NRG1: variants seen among roughly 807,000 people sequenced by gnomAD.
The protein encoded by NRG1 is neuregulin 1, also known as pro-neuregulin-1, membrane-bound isoform.
A neutral mutation model predicts 63.8 loss-of-function variants in NRG1; 18 were observed. That is an observed-to-expected ratio of 0.28 (90% CI 0.19 to 0.42). The LOEUF is 0.42. Among genes scored for constraint, NRG1 ranks in the 10% least tolerant of loss-of-function variants. The pLI, the probability that NRG1 is intolerant of heterozygous loss-of-function variation, is 1.00. For synonymous variants in NRG1, 302 were observed against 301.3 expected, an observed-to-expected ratio of 1.00 and a Z score of -0.02; for missense variants, 762 against 814.7, an observed-to-expected ratio of 0.94 and a Z score of 0.79.
chr8:32,578,375 C>G (rs868662099), intron 1 of NRG1, among the ~76,000 whole-genome samples: 4 of 152,224 alleles, frequency 2.6e-5, no homozygotes, highest in Admixed American at 6.5e-5. Context: ...TTTATTGCTT[C>G]AAATTGTTCA....
chr8:31,689,743 A>G (rs563279269), intron 1 of NRG1, among the ~76,000 whole-genome samples: 18 of 152,348 alleles, frequency 1.2e-4, no homozygotes, highest in Admixed American at 6.5e-4. Context: ...CATTTGGGAT[A>G]TATAAATTGA....
At chr8:32,209,573 T>C (rs574720233) in intron 1 of NRG1, among the ~76,000 whole-genome samples, 3 of 152,198 alleles carry the variant, frequency 2.0e-5, no homozygotes, top group Non-Finnish European at 2.9e-5. Context: ...GAAGAGGGTT[T>C]CGCCAAAAGA....
At chr8:32,436,721 T>C (rs1040481534) in intron 1 of NRG1, among the ~76,000 whole-genome samples, 4 of 152,172 alleles carry the variant, frequency 2.6e-5, no homozygotes, top group Admixed American at 1.3e-4. Flanking sequence ...TGAATGAACA[T>C]AGAACATTAT....
At chr8:31,898,432 C>T (rs747627459) in intron 1 of NRG1, among the ~76,000 whole-genome samples, 4 of 152,174 alleles carry the variant, frequency 2.6e-5, no homozygotes, top group South Asian at 2.1e-4. Context: ...AACTGAGGCT[C>T]AAAAAGACTA....
At chr8:32,162,165 A>G (rs1838902469) in intron 1 of NRG1, among the ~76,000 whole-genome samples, 1 of 152,188 alleles carries the variant, frequency 6.6e-6, no homozygotes, top group Non-Finnish European at 1.5e-5. Context: ...TAATTGAGCT[A>G]TTCATGGCAA....
rs371776866 is a variant in NRG1 at position 31,951,378 on chromosome 8, A to G, written c.37+311947A>G. 5.9e-5 allele frequency among the ~76,000 whole-genome samples: 9 copies of G among 152,320 alleles called. 1 individual carries two copies. In the South Asian group the frequency reaches 8.3e-4, roughly 14 times the overall value. On this transcript the variant is annotated intron_variant, in intron 1 of 10. Transcript: ENST00000519301. The stretch of plus-strand genomic sequence containing the variant: ...ACAAATGGAGGCAGAGCCCTGCTCC[A>G]GCCCCGTGAGTTGGAACAACCTACA...
At chr8:31,895,497 G>A (rs1012713375) in intron 1 of NRG1, among the ~76,000 whole-genome samples, 2 of 152,222 alleles carry the variant, frequency 1.3e-5, no homozygotes, top group Admixed American at 6.5e-5. Context: ...TCTAATCCTG[G>A]AGTCTGAGTG....
chr8:31,952,811 C>A (rs371082432), intron 1 of NRG1, among the ~76,000 whole-genome samples: 1 of 152,250 alleles, frequency 6.6e-6, no homozygotes, highest in African/African-American at 2.4e-5. Context: ...GGACTTACAG[C>A]TCAGTAACGA....
downstream of NRG1, among the ~76,000 whole-genome samples, chr8:32,772,036 A>AAATGT (rs1564160296): frequency 3.7e-3 from 51 of 13,924 alleles, 1 homozygote; most frequent in Non-Finnish European, 8.9e-3. Flanking sequence ...AAAAAAAAAA[A>AAATGT]ATATGTATAT....
At chr8:32,118,252 G>A (rs1357644529) in intron 1 of NRG1, among the ~76,000 whole-genome samples, 3 of 152,022 alleles carry the variant, frequency 2.0e-5, no homozygotes, top group African/African-American at 7.2e-5. Context: ...GCCCTCCCTG[G>A]GGTGGGTAGG....
chr8:31,910,094 T>A (rs1277468570), intron 1 of NRG1, among the ~76,000 whole-genome samples: 2 of 152,212 alleles, frequency 1.3e-5, no homozygotes, highest in African/African-American at 4.8e-5. Flanking sequence ...CGCTGACTTA[T>A]TTCCATAGGG....
intron 1 of NRG1, among the ~76,000 whole-genome samples, chr8:32,395,887 A>C (rs1399543528): frequency 6.6e-6 from 1 of 152,068 alleles, no homozygotes. Context: ...TCTATGATCC[A>C]TTTTACATTA....
At chr8:32,503,012 G>A (rs1828047632) in intron 1 of NRG1, among the ~76,000 whole-genome samples, 3 of 152,180 alleles carry the variant, frequency 2.0e-5, no homozygotes, top group Admixed American at 2.0e-4. Context: ...GTAGCCGGGC[G>A]CAGTGGCTCA....
intron 1 of NRG1, among the ~76,000 whole-genome samples, chr8:32,027,863 C>A (rs548428140): frequency 6.6e-6 from 1 of 152,240 alleles, no homozygotes; most frequent in East Asian, 1.9e-4. Context: ...AATCTTCACT[C>A]TCTTCAAAGA....
intron 11 of NRG1, chr8:32,761,131 A>T (rs1007508910): frequency 1.7e-5 from 4 of 229,280 alleles, no homozygotes; most frequent in Non-Finnish European, 2.9e-5. Flanking sequence ...AGAATGGAGG[A>T]AAGTAAACAA....
intron 1 of NRG1, among the ~76,000 whole-genome samples, chr8:32,303,183 C>CAAAAAAAAAAAAAAAAAAAAAAA (rs1563291349): frequency 1.0e-4 from 6 of 59,700 alleles, no homozygotes; most frequent in East Asian, 1.1e-3. Context: ...AACTCAGTCT[C>CAAAAAAAAAAAAAAAAAAAAAAA]CAAAAAAAAA....
chr8:32,080,677 G>T (rs984453010), intron 1 of NRG1, among the ~76,000 whole-genome samples: 3 of 152,022 alleles, frequency 2.0e-5, no homozygotes, highest in Non-Finnish European at 2.9e-5. Context: ...TCCAGACTCA[G>T]CAGATAGGAA....
At chr8:31,639,316 A>T (rs1803503757) in exon 1 of NRG1, 1 of 1,511,580 alleles carries the variant, frequency 6.6e-7, no homozygotes, top group East Asian at 2.5e-5. Flanking sequence ...ACTCGGGGCG[A>T]CAGAGAGGGA....
chr8:31,726,190 G>A lies in NRG1; in HGVS notation c.37+86759G>A, dbSNP rs117180156. Among the ~76,000 whole-genome samples the A allele has an allele frequency of 3.9e-3, 590 of 152,096 alleles. 1 individual carries two copies. Among genetic ancestry groups the A allele is most frequent in the South Asian group, 0.019 (92 of 4,818 alleles). On this transcript the variant is annotated intron_variant, in intron 1 of 10. Coordinates refer to the NRG1 transcript ENST00000519301. The stretch of plus-strand genomic sequence containing the variant: ...CAGTCTGGTACAAAGTATAGGTGAC[G>A]GCTTCAGCTTTGTAATTACCTATTA...
Sources: allele counts gnomAD v4.1 joint callset (sites outside exome capture counted in the v4.1 genomes callset), GRCh38; gene constraint gnomAD v4.1.1; transcripts MANE v1.5; gene names NCBI Gene and HGNC (gene_info 2026-07-23, HGNC 2026-07-21).